Variants in ROBO1 observed in about 807,000 individuals in gnomAD.
ROBO1 encodes the protein roundabout guidance receptor 1.
A neutral mutation model predicts 195.9 loss-of-function variants in ROBO1; 149 were observed. The observed-to-expected ratio is 0.76, with a 90% CI of 0.67 to 0.87. The LOEUF is 0.87. Ranked by LOEUF, ROBO1 falls within the 40% of genes least tolerant of loss-of-function variation. ROBO1 has a pLI of 0.00. For missense variants in ROBO1, 1,933 were observed against 2,068.3 expected (o/e 0.93, Z 1.27); for synonymous variants, 816 against 733.2 (o/e 1.11, Z -1.82).
chr3:78,677,358 A>T (rs1355409052), intron 10 of ROBO1, among the ~76,000 whole-genome samples: 1 of 152,208 alleles, frequency 6.6e-6, no homozygotes, highest in Non-Finnish European at 1.5e-5. Context: ...TAAATGCTCC[A>T]ATTAAAAGAC....
At chr3:79,372,401 G>A (rs1229478535) in intron 2 of ROBO1, among the ~76,000 whole-genome samples, 1 of 151,850 alleles carries the variant, frequency 6.6e-6, no homozygotes, top group East Asian at 1.9e-4. Context: ...AGTAGAGATG[G>A]GGTTTCACCA....
intron 4 of ROBO1, among the ~76,000 whole-genome samples, chr3:78,791,423 G>C (rs890729177): frequency 2.6e-5 from 4 of 152,266 alleles, no homozygotes; most frequent in Admixed American, 6.5e-5. Context: ...AATTTAAGCT[G>C]TGATACTGAC....
At chr3:79,282,413 A>G (rs138796627) in intron 2 of ROBO1, among the ~76,000 whole-genome samples, 84 of 152,316 alleles carry the variant, frequency 5.5e-4, no homozygotes, top group African/African-American at 1.9e-3. Context: ...AGGTCCTGCT[A>G]TTGTGGGGCT....
Position 79,150,918 on chromosome 3 carries a change from T to C in ROBO1, c.89-25379A>G, listed in dbSNP as rs1016182549. On this transcript the variant is annotated intron_variant, in intron 2 of 30. Coordinates refer to ENST00000464233, the MANE Select transcript of ROBO1 (RefSeq NM_002941.4). ...TAATTCCCTGCCCCAGCCCCTCTAA[T>C]ATGGTGTGGCTGTGTCCCCATCCAA... Among the ~76,000 whole-genome samples the C allele has an allele frequency of 7.9e-5, 12 of 151,706 alleles. 1 individual carries two copies. The highest frequency in any genetic ancestry group is 7.9e-4 in the Admixed American group (12 of 15,222).
intron 2 of ROBO1, among the ~76,000 whole-genome samples, chr3:79,456,628 T>C (rs1158682093): frequency 6.6e-6 from 1 of 152,192 alleles, no homozygotes; most frequent in East Asian, 1.9e-4. Context: ...TTTCTCTATC[T>C]GAATCAATTA....
At chr3:79,432,890 T>C (rs2038733311) in intron 2 of ROBO1, among the ~76,000 whole-genome samples, 1 of 152,184 alleles carries the variant, frequency 6.6e-6, no homozygotes, top group African/African-American at 2.4e-5. Context: ...TTGGAAATAA[T>C]GGAAAATCCT....
intron 3 of ROBO1, among the ~76,000 whole-genome samples, chr3:78,997,680 C>T (rs187238940): frequency 4.5e-4 from 69 of 152,240 alleles, no homozygotes; most frequent in African/African-American, 1.6e-3. Flanking sequence ...ATGTACAGAA[C>T]ACCACAGTAG....
chr3:78,762,620 C>CT (rs1040236429), intron 4 of ROBO1, among the ~76,000 whole-genome samples: 15 of 151,910 alleles, frequency 9.9e-5, no homozygotes, highest in Non-Finnish European at 2.1e-4. Flanking sequence ...CAGGTCAGAA[C>CT]TATAGAGAAA....
chr3:79,747,590 A>G (rs975860166), intron 1 of ROBO1, among the ~76,000 whole-genome samples: 4 of 152,156 alleles, frequency 2.6e-5, no homozygotes, highest in Admixed American at 1.3e-4. Flanking sequence ...AAACTGCTTA[A>G]TAAGGAATAT....
chr3:79,749,872 G>A (rs562520524), intron 1 of ROBO1, among the ~76,000 whole-genome samples: 3 of 152,360 alleles, frequency 2.0e-5, no homozygotes, highest in East Asian at 3.9e-4. Context: ...GAAGGGAAAT[G>A]TGGGGTCAGA....
At chr3:79,029,384 A>G (rs1373707268) in intron 3 of ROBO1, among the ~76,000 whole-genome samples, 1 of 152,170 alleles carries the variant, frequency 6.6e-6, no homozygotes, top group East Asian at 1.9e-4. Flanking sequence ...GCTTTAAAAA[A>G]TCAGATATTT....
At chr3:79,208,662 T>A (rs966731972) in intron 2 of ROBO1, among the ~76,000 whole-genome samples, 7 of 150,316 alleles carry the variant, frequency 4.7e-5, no homozygotes, top group Non-Finnish European at 7.4e-5. Flanking sequence ...GTTAATATAG[T>A]TGTTGTTGGT....
chr3:79,164,690 A>G (rs1160943762), intron 2 of ROBO1, among the ~76,000 whole-genome samples: 1 of 152,154 alleles, frequency 6.6e-6, no homozygotes, highest in Non-Finnish European at 1.5e-5. Flanking sequence ...CTATTATGTC[A>G]GAATTAAAGA....
At chr3:79,250,563 T>TGG (rs142321697) in intron 2 of ROBO1, among the ~76,000 whole-genome samples, 5 of 151,628 alleles carry the variant, frequency 3.3e-5, no homozygotes, top group Admixed American at 6.6e-5. Flanking sequence ...ATAATGTGTG[T>TGG]GGGGGGGGTT....
chr3:79,724,233 T>C (rs1702816711), intron 1 of ROBO1, among the ~76,000 whole-genome samples: 1 of 152,186 alleles, frequency 6.6e-6, no homozygotes, highest in African/African-American at 2.4e-5. Context: ...TTGGAATTAT[T>C]TTCAATTCCT....
chr3:79,697,581 G>GA (rs1211393112), intron 1 of ROBO1, among the ~76,000 whole-genome samples: 1 of 150,980 alleles, frequency 6.6e-6, no homozygotes, highest in Non-Finnish European at 1.5e-5. Flanking sequence ...TACATAAAAA[G>GA]AAAAAAATGA....
intron 3 of ROBO1, among the ~76,000 whole-genome samples, chr3:79,090,687 C>A (rs551433130): frequency 6.6e-6 from 1 of 152,032 alleles, no homozygotes; most frequent in African/African-American, 2.4e-5. Context: ...ATTTTCTTAT[C>A]GGTAAAATGA....
intron 4 of ROBO1, among the ~76,000 whole-genome samples, chr3:78,782,139 C>A (rs886618095): frequency 6.6e-6 from 1 of 152,066 alleles, no homozygotes; most frequent in African/African-American, 2.4e-5. Context: ...TCCAAGTTAT[C>A]TAGCTCAATT....
chr3:79,433,997 A>G (rs1467885426), intron 2 of ROBO1, among the ~76,000 whole-genome samples: 1 of 152,212 alleles, frequency 6.6e-6, no homozygotes, highest in Non-Finnish European at 1.5e-5. Context: ...TCGTGCTGGG[A>G]AAACTGGCTA....
Sources: gnomAD v4.1 joint callset for allele counts (sites outside exome capture counted in the v4.1 genomes callset) on GRCh38, gnomAD v4.1.1 for gene constraint, MANE v1.5 for transcripts, NCBI Gene and HGNC (gene_info 2026-07-23, HGNC 2026-07-21) for gene names.